The following TAFA1 variants were observed in gnomAD, a reference collection of about 807,000 sequenced individuals.
TAFA1 encodes chemokine-like protein TAFA-1.
A neutral mutation model predicts 18.5 loss-of-function variants in TAFA1; 4 were observed. The ratio of observed to expected loss-of-function variants is 0.22; its 90% confidence interval spans 0.11 to 0.49. TAFA1 has a LOEUF of 0.49. Ranked by LOEUF, TAFA1 falls within the 20% of genes least tolerant of loss-of-function variation. The pLI is 0.98. For synonymous variants in TAFA1, 56 were observed against 55.2 expected, an observed-to-expected ratio of 1.01 and a Z score of -0.06; for missense variants, 147 against 169.0, an observed-to-expected ratio of 0.87 and a Z score of 0.72.
intron 3 of TAFA1, among the ~76,000 whole-genome samples, chr3:68,535,005 T>C (rs1173136862): frequency 2.0e-5 from 3 of 152,166 alleles, no homozygotes; most frequent in Non-Finnish European, 4.4e-5. Flanking sequence ...CAATTTCTTC[T>C]CATGCTAAGA....
intron 2 of TAFA1, among the ~76,000 whole-genome samples, chr3:68,303,068 C>T (rs1272436167): frequency 6.6e-6 from 1 of 152,016 alleles, no homozygotes; most frequent in Non-Finnish European, 1.5e-5. Context: ...GTGCCTGGTA[C>T]ATAAAAAATG....
At chr3:68,259,531 A>G (rs2067367541) in intron 2 of TAFA1, among the ~76,000 whole-genome samples, 1 of 152,102 alleles carries the variant, frequency 6.6e-6, no homozygotes, top group Non-Finnish European at 1.5e-5. Flanking sequence ...CTTGGGCAGT[A>G]TGGCCATTTT....
chr3:68,138,026 C>A (rs1025769758), intron 2 of TAFA1, among the ~76,000 whole-genome samples: 2 of 151,500 alleles, frequency 1.3e-5, no homozygotes, highest in Non-Finnish European at 2.9e-5. Flanking sequence ...ATTTACTTCC[C>A]GAAAATTAGG....
intron 3 of TAFA1, among the ~76,000 whole-genome samples, chr3:68,422,333 T>C (rs1346393990): frequency 6.6e-6 from 1 of 152,116 alleles, no homozygotes; most frequent in Non-Finnish European, 1.5e-5. Flanking sequence ...CTCAGTTCCC[T>C]AGGAATAGAC....
At chr3:68,255,949 AATTT>A (rs1216813870) in intron 2 of TAFA1, among the ~76,000 whole-genome samples, 1 of 152,124 alleles carries the variant, frequency 6.6e-6, no homozygotes, top group Non-Finnish European at 1.5e-5. Context: ...TGAATGAATT[AATTT>A]GTTAATCAAT....
At chr3:68,374,509 G>A (rs952855279) in intron 2 of TAFA1, among the ~76,000 whole-genome samples, 2 of 152,180 alleles carry the variant, frequency 1.3e-5, no homozygotes, top group African/African-American at 4.8e-5. Context: ...TTTAAAGTGA[G>A]AGTTCACTGA....
At chr3:68,351,074 T>A (rs1257485592) in intron 2 of TAFA1, among the ~76,000 whole-genome samples, 1 of 152,128 alleles carries the variant, frequency 6.6e-6, no homozygotes, top group Non-Finnish European at 1.5e-5. Flanking sequence ...GGGAGCTTTT[T>A]AAATTCCTGA....
chr3:68,276,025 T>C (rs1314459721), intron 2 of TAFA1, among the ~76,000 whole-genome samples: 1 of 152,008 alleles, frequency 6.6e-6, no homozygotes, highest in African/African-American at 2.4e-5. Flanking sequence ...TCTCAGTAAA[T>C]ATTCATTGAA....
intron 2 of TAFA1, among the ~76,000 whole-genome samples, chr3:68,386,602 A>T (rs1399183695): frequency 6.6e-6 from 1 of 152,048 alleles, no homozygotes; most frequent in Admixed American, 6.6e-5. Context: ...ATCTTTTTTG[A>T]CAACTATCCT....
chr3:68,424,172 C>G (rs559224064), intron 3 of TAFA1, among the ~76,000 whole-genome samples: 13 of 152,162 alleles, frequency 8.5e-5, no homozygotes, highest in African/African-American at 3.1e-4. Context: ...CATTTTGCTC[C>G]TGGCTCATCA....
intron 2 of TAFA1, among the ~76,000 whole-genome samples, chr3:68,395,213 A>C (rs993800494): frequency 3.3e-5 from 5 of 152,220 alleles, no homozygotes; most frequent in African/African-American, 1.2e-4. Context: ...ACTGGTCGTT[A>C]GAGAATTGCA....
intron 2 of TAFA1, among the ~76,000 whole-genome samples, chr3:68,378,997 T>C (rs1413571303): frequency 6.6e-6 from 1 of 152,170 alleles, no homozygotes; most frequent in Non-Finnish European, 1.5e-5. Context: ...TATTTCTTTA[T>C]AGTCGTGTGA....
intron 3 of TAFA1, among the ~76,000 whole-genome samples, chr3:68,476,104 C>G (rs1281416565): frequency 6.6e-6 from 1 of 152,094 alleles, no homozygotes; most frequent in African/African-American, 2.4e-5. Context: ...AGGACATAGA[C>G]ATGGGCAAGG....
chr3:68,039,659 G>A (rs1705123552), intron 2 of TAFA1, among the ~76,000 whole-genome samples: 1 of 152,244 alleles, frequency 6.6e-6, no homozygotes, highest in East Asian at 1.9e-4. Context: ...TACCCCAGAT[G>A]CAGACCTTGA....
intron 2 of TAFA1, among the ~76,000 whole-genome samples, chr3:68,094,649 GGA>G (rs1166868934): frequency 1.3e-5 from 2 of 152,132 alleles, no homozygotes; most frequent in African/African-American, 4.8e-5. Context: ...AAGGATAGAA[GGA>G]GAGAGATCAA....
chr3:68,255,349 C>G (rs568237135), intron 2 of TAFA1, among the ~76,000 whole-genome samples: 11 of 152,164 alleles, frequency 7.2e-5, no homozygotes, highest in East Asian at 3.9e-4. Flanking sequence ...AATCCATTTA[C>G]ATTTATTGGT....
chr3:68,050,721 A>G (rs2064460357), intron 2 of TAFA1, among the ~76,000 whole-genome samples: 1 of 152,176 alleles, frequency 6.6e-6, no homozygotes, highest in Non-Finnish European at 1.5e-5. Flanking sequence ...AGGGTCAGCC[A>G]TTGACTAACT....
chr3:68,086,830 G>A (rs2064976085), intron 2 of TAFA1, among the ~76,000 whole-genome samples: 1 of 152,148 alleles, frequency 6.6e-6, no homozygotes. Context: ...GATAACAAAA[G>A]ACTTTAGGTA....
intron 2 of TAFA1, among the ~76,000 whole-genome samples, chr3:68,161,546 C>T (rs941768608): frequency 1.9e-4 from 29 of 152,120 alleles, no homozygotes; most frequent in African/African-American, 6.8e-4. Context: ...ACTTGTATAC[C>T]ACCTTACATT....
Sources: allele counts gnomAD v4.1 joint callset (sites outside exome capture counted in the v4.1 genomes callset), GRCh38; gene constraint gnomAD v4.1.1; transcripts MANE v1.5; gene names NCBI Gene and HGNC (gene_info 2026-07-23, HGNC 2026-07-21).